DOCK8: variants seen among roughly 807,000 people sequenced by gnomAD.
DOCK8 encodes the protein dedicator of cytokinesis protein 8.
Under a neutral mutation model 245.6 loss-of-function variants are expected in DOCK8, and 141 were observed. The observed-to-expected ratio is 0.57, with a 90% CI of 0.50 to 0.66. The LOEUF is 0.66. DOCK8 is among the 30% of genes least tolerant of loss of function. The pLI is 0.00. For missense variants in DOCK8, 2,965 were observed against 2,603.4 expected (o/e 1.14, Z -3.02); for synonymous variants, 1,168 against 970.2 (o/e 1.20, Z -3.79).
At chr9:456,053 C>T (rs1003376483) in intron 46 of DOCK8, 1 of 152,196 alleles carries the variant, frequency 6.6e-6, no homozygotes, top group Non-Finnish European at 1.5e-5. Flanking sequence ...TATGTGCAAA[C>T]ACAACAGATG....
intron 10 of DOCK8, among the ~76,000 whole-genome samples, chr9:333,881 G>C (rs2051174053): frequency 6.6e-6 from 1 of 152,120 alleles, no homozygotes; most frequent in Admixed American, 6.6e-5. Flanking sequence ...TTGATTTCAA[G>C]ATTCTTTTAT....
In DOCK8 at chr9:340,239, T is replaced by C. The variant is rs765698259; in HGVS notation, c.1597T>C (p.Phe533Leu). The C allele has an allele frequency of 3.1e-6, 5 of 1,614,208 alleles. No homozygotes were observed. In the South Asian group the frequency reaches 4.4e-5, roughly 14 times the overall value. ...TCCTGAAATGCTGCCCGTGAAACCCTTTCCTGAAAACCGGACACGCCCGCA... is the reference window on the plus strand; with the variant it reads ...TCCTGAAATGCTGCCCGTGAAACCCCTTCCTGAAAACCGGACACGCCCGCA... ...LTPEMLPVKP[F>L]PENRTRPHKE... The change falls in exon 14 of 48, where the codon TTT (phenylalanine) becomes CTT (leucine). Residue 533 changes from phenylalanine to leucine, a missense_variant. Transcript: ENST00000432829.
chr9:295,270 C>T (rs569244776), intron 4 of DOCK8, among the ~76,000 whole-genome samples: 266 of 152,118 alleles, frequency 1.7e-3, no homozygotes, highest in Middle Eastern at 3.4e-3. Flanking sequence ...GTCCATGGTT[C>T]CCAGGGTCTG....
intron 26 of DOCK8, among the ~76,000 whole-genome samples, chr9:399,488 G>T (rs567646700): frequency 6.6e-6 from 1 of 150,512 alleles, no homozygotes; most frequent in Non-Finnish European, 1.5e-5. Context: ...AGGGTCAACA[G>T]ATTCATCTGT....
intron 5 of DOCK8, among the ~76,000 whole-genome samples, chr9:311,033 C>G (rs992275928): frequency 6.6e-6 from 1 of 152,080 alleles, no homozygotes; most frequent in African/African-American, 2.4e-5. Flanking sequence ...CCCCTGTAAT[C>G]CTAGCACTTT....
intron 11 of DOCK8, among the ~76,000 whole-genome samples, chr9:335,520 C>A (rs2051267890): frequency 6.6e-6 from 1 of 152,158 alleles, no homozygotes; most frequent in Admixed American, 6.5e-5. Flanking sequence ...CCAGTCAGAA[C>A]TCCTGGGTTA....
chr9:245,769 A>G (rs2047491863), intron 1 of DOCK8, among the ~76,000 whole-genome samples: 1 of 152,198 alleles, frequency 6.6e-6, no homozygotes, highest in African/African-American at 2.4e-5. Flanking sequence ...TTTTCTTCTC[A>G]CATAATTCCA....
chr9:389,406 T>C (rs1267868460), intron 23 of DOCK8, among the ~76,000 whole-genome samples: 2 of 152,172 alleles, frequency 1.3e-5, no homozygotes, highest in Admixed American at 6.5e-5. Flanking sequence ...CCCTGGGACA[T>C]AGACATTTAG....
chr9:398,330 C>G (rs983944390), intron 25 of DOCK8, among the ~76,000 whole-genome samples: 3 of 152,178 alleles, frequency 2.0e-5, no homozygotes, highest in Non-Finnish European at 4.4e-5. Flanking sequence ...TATCAGGTCC[C>G]CATCCATCCC....
At chr9:453,686 C>G (rs897961124) in intron 46 of DOCK8, among the ~76,000 whole-genome samples, 1 of 152,168 alleles carries the variant, frequency 6.6e-6, no homozygotes, top group South Asian at 2.1e-4. Flanking sequence ...CTTGGTCTCC[C>G]AAAGTGCTGG....
rs147561000 is a variant in DOCK8 at position 362,577 on chromosome 9, G to C, written c.1680-5441G>C. Among the ~76,000 whole-genome samples, 113 of 152,236 alleles carry C rather than the reference G, an allele frequency of 7.4e-4. 1 individual carries two copies. In the East Asian group the frequency reaches 0.016, roughly 22 times the overall value. ...GATAGGGGCCTTCACTCCTCTTGTCGAGCTGCTCCTCTCTCCTCTCAAAGC... is the reference window on the plus strand; with the variant it reads ...GATAGGGGCCTTCACTCCTCTTGTCCAGCTGCTCCTCTCTCCTCTCAAAGC... On this transcript the variant is annotated intron_variant, in intron 14 of 47. Transcript: ENST00000432829.
In DOCK8 at chr9:377,162, C is replaced by G; in HGVS notation, c.2391C>G (p.Asp797Glu). The G allele has an allele frequency of 6.2e-7, 1 of 1,604,784 alleles. No homozygotes were observed. The highest frequency in any genetic ancestry group is 8.5e-7 in the Non-Finnish European group (1 of 1,179,582). The change falls in exon 20 of 48, where the codon GAC becomes GAG. Residue 797 changes from aspartate to glutamate, a missense_variant. Around this residue, in one of 3 missense-constraint regions of DOCK8, gnomAD observed 2,825 missense variants for 2,453.5 expected, o/e 1.15. Transcript: ENST00000432829. Reference protein sequence around the residue: ...PLVLFLHLVLDKLFQLSVQPM... With the variant: ...PLVLFLHLVLEKLFQLSVQPM... Reference sequence around the variant, plus strand: ...TGCTCTTCCTGCACCTGGTGCTGGACAAGCTCTTCCAGCTGTCCGTGCAGC... The same window carrying G: ...TGCTCTTCCTGCACCTGGTGCTGGAGAAGCTCTTCCAGCTGTCCGTGCAGC...
At chr9:299,276 T>C (rs2049416142) in intron 4 of DOCK8, among the ~76,000 whole-genome samples, 1 of 152,190 alleles carries the variant, frequency 6.6e-6, no homozygotes, top group Non-Finnish European at 1.5e-5. Context: ...CCTACATTTA[T>C]ATTTGTGAGA....
intron 4 of DOCK8, among the ~76,000 whole-genome samples, chr9:300,937 C>G (rs2049515229): frequency 6.6e-6 from 1 of 152,128 alleles, no homozygotes; most frequent in Non-Finnish European, 1.5e-5. Context: ...AGTACCAATC[C>G]TACTGAAATT....
chr9:421,961 T>C lies in DOCK8; in HGVS notation c.4154-87T>C, dbSNP rs373046836. On this transcript the variant is annotated intron_variant, in intron 32 of 47. Transcript: ENST00000432829. ...TTAGCCCGAGAAATGGTGCTGAGGC[T>C]TCTCAGTTGAGCTTGTTATGAACTT... 222 of 1,175,878 alleles carry C rather than the reference T, an allele frequency of 1.9e-4. 3 individuals are homozygous for C. In the East Asian group the frequency reaches 3.6e-3, roughly 19 times the overall value. 72.8% of individuals were successfully genotyped at this position (1,175,878 alleles called of 1,614,324 possible).
rs751022932 is a variant in DOCK8 at position 400,947 on chromosome 9, TCAC to T, written c.3234+1705_3234+1707del. 1.5e-3 allele frequency among the ~76,000 whole-genome samples: 43 copies of T among 28,522 alleles called. 2 individuals are homozygous for T. Among genetic ancestry groups the T allele is most frequent in the South Asian group, 8.2e-3 (7 of 852 alleles). 18.7% of individuals were successfully genotyped at this position (28,522 alleles called of 152,430 possible). A position where few individuals can be genotyped will look rare whatever the true frequency, so the allele number is the denominator to read the frequency against. On this transcript the variant is annotated intron_variant, in intron 26 of 47. Transcript: ENST00000432829. Reference sequence around the variant, plus strand: ...ATCACCACAACATCCACCACCACCATCACCACCACCACCACCACCTCCTCCACC... The same window carrying T: ...ATCACCACAACATCCACCACCACCATCACCACCACCACCACCTCCTCCACC...
intron 1 of DOCK8, among the ~76,000 whole-genome samples, chr9:241,034 G>GTTTCTTTTCCCTCTTTTCTTT (rs2047363465): frequency 6.6e-6 from 1 of 151,316 alleles, no homozygotes; most frequent in African/African-American, 2.5e-5. Flanking sequence ...AAAATGATTT[G>GTTTCTTTTCCCTCTTTTCTTT]TATAAATCAT....
intron 1 of DOCK8, among the ~76,000 whole-genome samples, chr9:238,374 C>T (rs549476596): frequency 1.3e-3 from 201 of 152,216 alleles, no homozygotes; most frequent in Middle Eastern, 3.4e-3. Context: ...GAATAAGTAC[C>T]ACGTTTCTGA....
chr9:258,693 G>C (rs1385091016), intron 1 of DOCK8, among the ~76,000 whole-genome samples: 1 of 149,216 alleles, frequency 6.7e-6, no homozygotes, highest in East Asian at 2.0e-4. Context: ...TGCCTCCCGG[G>C]TTCAAGCAAT....
Sources: gnomAD v4.1 joint callset for allele counts (sites outside exome capture counted in the v4.1 genomes callset) on GRCh38, gnomAD v4.1.1 for gene constraint, gnomAD v4.1.1 regional missense constraint, MANE v1.5 for transcripts, NCBI Gene and HGNC (gene_info 2026-07-23, HGNC 2026-07-21) for gene names.